The following GALNT1 variants were observed in gnomAD, a reference collection of about 807,000 sequenced individuals.
GALNT1 encodes GalNAc transferase 1.
A neutral mutation model predicts 65.7 loss-of-function variants in GALNT1; 17 were observed. That is an observed-to-expected ratio of 0.26 (90% CI 0.18 to 0.39). The LOEUF is 0.39. GALNT1 is among the 10% of genes least tolerant of loss of function. The pLI is 1.00. For missense variants in GALNT1, 460 were observed against 672.8 expected, an observed-to-expected ratio of 0.68 and a Z score of 3.50; for synonymous variants, 210 against 219.7, an observed-to-expected ratio of 0.96 and a Z score of 0.39.
intron 5 of GALNT1, among the ~76,000 whole-genome samples, chr18:35,685,228 A>G (rs1000384711): frequency 6.6e-6 from 1 of 152,096 alleles, no homozygotes; most frequent in African/African-American, 2.4e-5. Context: ...ACACACACAC[A>G]CGTGCACGTA....
intron 1 of GALNT1, among the ~76,000 whole-genome samples, chr18:35,607,980 A>T (rs969309956): frequency 6.6e-6 from 1 of 152,094 alleles, no homozygotes; most frequent in African/African-American, 2.4e-5. Context: ...AATTTTTTTG[A>T]TATAAATTTA....
chr18:35,658,899 G>A (rs1225962033), intron 2 of GALNT1, among the ~76,000 whole-genome samples: 1 of 151,782 alleles, frequency 6.6e-6, no homozygotes, highest in African/African-American at 2.4e-5. Flanking sequence ...TAGTAGAGAC[G>A]GAGTTTCACC....
rs556083341 is a variant in GALNT1, at chr18:35,700,861, C to T, written c.1300-2036C>T. On this transcript the variant is annotated intron_variant, in intron 9 of 11. Transcript: ENST00000269195. The stretch of plus-strand genomic sequence containing the variant: ...AGCAAATGGCCATTCCATATGAGAG[C>T]GAGAGAAGCTGAAGATAACACTGGT... 2.8e-4 allele frequency among the ~76,000 whole-genome samples: 42 copies of T among 152,158 alleles called. No individual in the cohort carries two copies. The South Asian group carries it at 8.5e-3, about 31-fold the overall frequency.
intron 1 of GALNT1, among the ~76,000 whole-genome samples, chr18:35,595,674 A>AT (rs57905305): frequency 0.015 from 2,352 of 152,108 alleles, 29 homozygotes; most frequent in African/African-American, 0.027. Flanking sequence ...CAATAAGATA[A>AT]TTTTTTTTAC....
intron 1 of GALNT1, among the ~76,000 whole-genome samples, chr18:35,583,968 A>AT (rs909067851): frequency 7.9e-5 from 12 of 152,172 alleles, no homozygotes; most frequent in Admixed American, 3.3e-4. Flanking sequence ...AAAATTTTGT[A>AT]TTTTTTTAGG....
At chr18:35,632,966 G>C (rs1011404834) in intron 1 of GALNT1, among the ~76,000 whole-genome samples, 9 of 152,228 alleles carry the variant, frequency 5.9e-5, no homozygotes, top group Non-Finnish European at 1.3e-4. Context: ...CTGGCCATCA[G>C]AGAAATGCAA....
intron 1 of GALNT1, among the ~76,000 whole-genome samples, chr18:35,582,197 C>A (rs2046330685): frequency 6.6e-6 from 1 of 152,160 alleles, no homozygotes; most frequent in Non-Finnish European, 1.5e-5. Flanking sequence ...GTGGTACTTG[C>A]AACCGCGGTG....
At position 35,677,574 on chromosome 18, in the gene GALNT1, A is replaced by G; in HGVS notation, c.315-17A>G. The G allele has an allele frequency of 6.3e-7, 1 of 1,594,958 alleles. No homozygotes were observed. The highest frequency in any genetic ancestry group is 8.6e-7 in the Non-Finnish European group (1 of 1,168,880). On this transcript the variant is annotated splice_polypyrimidine_tract_variant and intron_variant, in intron 3 of 11. Transcript: ENST00000269195. Reference sequence around the variant, plus strand: ...CTTAACAGTCACTTTTTATAAAGGCATTTGCTTTGTCTCTAGGTGTAAAAC... The same window carrying G: ...CTTAACAGTCACTTTTTATAAAGGCGTTTGCTTTGTCTCTAGGTGTAAAAC...
chr18:35,601,450 GTTCT>G (rs1256966096), intron 1 of GALNT1, among the ~76,000 whole-genome samples: 15 of 151,332 alleles, frequency 9.9e-5, no homozygotes, highest in Non-Finnish European at 2.2e-4. Flanking sequence ...CTTTTTTCCT[GTTCT>G]TTATTATTTT....
chr18:35,700,823 A>C (rs939948384), intron 9 of GALNT1, among the ~76,000 whole-genome samples: 1 of 152,126 alleles, frequency 6.6e-6, no homozygotes, highest in Admixed American at 6.5e-5. Flanking sequence ...GGTAAAAGAT[A>C]GGCAATTATT....
At chr18:35,705,345 A>T (rs1191920780) in intron 11 of GALNT1, among the ~76,000 whole-genome samples, 1 of 152,220 alleles carries the variant, frequency 6.6e-6, no homozygotes, top group Admixed American at 6.5e-5. Context: ...ATAAAGCTGT[A>T]CTTGTTTGTA....
At chr18:35,705,762 G>T (rs1210660258) in intron 11 of GALNT1, among the ~76,000 whole-genome samples, 1 of 152,172 alleles carries the variant, frequency 6.6e-6, no homozygotes, top group East Asian at 1.9e-4. Context: ...AACAAATAGG[G>T]ATTTATTTTT....
chr18:35,633,917 C>CT (rs1409697775), intron 1 of GALNT1, among the ~76,000 whole-genome samples: 8 of 152,114 alleles, frequency 5.3e-5, no homozygotes, highest in Admixed American at 1.3e-4. Context: ...ATTTAACCTG[C>CT]TTGAACTTAA....
intron 1 of GALNT1, among the ~76,000 whole-genome samples, chr18:35,624,109 A>G (rs2046888340): frequency 1.3e-5 from 2 of 152,302 alleles, no homozygotes; most frequent in South Asian, 4.1e-4. Context: ...CAGTTCTTTC[A>G]GCTATCTAAA....
Position 35,629,548 on chromosome 18 carries a change from C to T in GALNT1, c.-103-25012C>T, listed in dbSNP as rs181145573. Among the ~76,000 whole-genome samples, 15 of 152,210 alleles carry T rather than the reference C, an allele frequency of 9.9e-5. No homozygotes were observed. In the South Asian group the frequency reaches 1.5e-3, roughly 15 times the overall value. On this transcript the variant is annotated intron_variant, in intron 1 of 11. Coordinates refer to ENST00000269195, the MANE Select transcript of GALNT1 (RefSeq NM_020474.4). ...TTTTGTCACCACCAGGCCTGCCCTACGAGAGCTCCTAAAGGAAACACTAAA... is the reference window on the plus strand; with the variant it reads ...TTTTGTCACCACCAGGCCTGCCCTATGAGAGCTCCTAAAGGAAACACTAAA...
At chr18:35,647,406 AT>A (rs1467985849) in intron 1 of GALNT1, among the ~76,000 whole-genome samples, 1 of 152,100 alleles carries the variant, frequency 6.6e-6, no homozygotes, top group Non-Finnish European at 1.5e-5. Flanking sequence ...CATTCCCTAC[AT>A]TTACTGTTTG....
At chr18:35,658,045 T>C (rs1275872783) in intron 2 of GALNT1, among the ~76,000 whole-genome samples, 1 of 152,144 alleles carries the variant, frequency 6.6e-6, no homozygotes, top group Non-Finnish European at 1.5e-5. Context: ...TTATTATAGT[T>C]TTGACAACCA....
intron 1 of GALNT1, among the ~76,000 whole-genome samples, chr18:35,619,230 T>C (rs542622462): frequency 3.0e-4 from 46 of 152,328 alleles, no homozygotes; most frequent in African/African-American, 9.6e-4. Flanking sequence ...TTTCAGGCTA[T>C]TATTAGGGCC....
rs956725166 is a variant in GALNT1 at position 35,639,357 on chromosome 18, G to A, written c.-103-15203G>A. Among the ~76,000 whole-genome samples the A allele has an allele frequency of 3.3e-5, 5 of 152,176 alleles. 1 individual carries two copies. Among genetic ancestry groups the A allele is most frequent in the South Asian group, 4.1e-4 (2 of 4,830 alleles). ...GATTCGCTGAAGGCAAAGATGATTG[G>A]TAGAATTTTTTAGCAGTAAAATTTT... On this transcript the variant is annotated intron_variant, in intron 1 of 11. Coordinates refer to ENST00000269195, the MANE Select transcript of GALNT1 (RefSeq NM_020474.4).
Sources: gnomAD v4.1 joint callset for allele counts (sites outside exome capture counted in the v4.1 genomes callset) on GRCh38, gnomAD v4.1.1 for gene constraint, MANE v1.5 for transcripts, NCBI Gene and HGNC (gene_info 2026-07-23, HGNC 2026-07-21) for gene names.